GATA6: variants seen among roughly 807,000 people sequenced by gnomAD.
The protein encoded by GATA6 is transcription factor GATA-6.
Under a neutral mutation model 48.1 loss-of-function variants are expected in GATA6, and 11 were observed. That is an observed-to-expected ratio of 0.23 (90% confidence interval 0.14 to 0.38). The LOEUF is 0.38. Ranked by LOEUF, GATA6 falls within the 10% of genes least tolerant of loss-of-function variation. GATA6 has a pLI of 1.00. For synonymous variants in GATA6, 419 were observed against 396.1 expected (o/e 1.06, Z -0.69); for missense variants, 795 against 850.3 (o/e 0.93, Z 0.81).
chr18:22,170,567 C>A lies in GATA6; in HGVS notation c.-37-541C>A, dbSNP rs997190873. 1.3e-5 allele frequency among the ~76,000 whole-genome samples: 2 copies of A among 152,350 alleles called. No homozygotes were observed. Among genetic ancestry groups the A allele is most frequent in the South Asian group, 2.1e-4 (1 of 4,832 alleles). On this transcript the variant is annotated intron_variant, in intron 1 of 6. Coordinates refer to ENST00000269216, the MANE Select transcript of GATA6 (RefSeq NM_005257.6). This position sits in a 1 kb window ranked among gnomAD's most constrained non-coding sequence, Gnocchi z 6.7. ...GGAGAGCCAATATAGGAGAACGCGG[C>A]GGTTTCGTTTTCGGGGACAGGTTGC...
At chr18:22,191,928 G>A (rs1476949557) in intron 6 of GATA6, among the ~76,000 whole-genome samples, 1 of 152,230 alleles carries the variant, frequency 6.6e-6, no homozygotes, top group Non-Finnish European at 1.5e-5. Flanking sequence ...CCGACTTGAT[G>A]GTGTGCTGCC....
rs1555629215 is a variant in GATA6 at position 22,177,957 on chromosome 18, T to TTG, written c.1302+837_1302+838insGT. On this transcript the variant is annotated intron_variant, in intron 3 of 6. Coordinates refer to ENST00000269216, the MANE Select transcript of GATA6 (RefSeq NM_005257.6). ...ACACGTTTTACTGTTTTTTTGTTTT[T>TTG]TTTTTTTTTTTTTTTTTTTTTGAGA... Among the ~76,000 whole-genome samples the TTG allele has an allele frequency of 8.3e-5, 11 of 132,046 alleles. No individual in the cohort carries two copies. The East Asian group carries it at 2.4e-3, about 29-fold the overall frequency. 86.6% of individuals were successfully genotyped at this position (132,046 alleles called of 152,430 possible).
intron 6 of GATA6, among the ~76,000 whole-genome samples, chr18:22,184,661 AT>A (rs926655003): frequency 6.6e-6 from 1 of 150,568 alleles, no homozygotes; most frequent in Non-Finnish European, 1.5e-5. Context: ...CACCTGGCTA[AT>A]TTTTTTTTGT....
rs2033260272 is a variant in GATA6, at chr18:22,186,207, A to G, written c.1620+3164A>G. ...TCCCTGTGACTGACTGGTAGAAATT[A>G]GTAGTGCAGGGTGACCCTCGTTTGA... On this transcript the variant is annotated intron_variant, in intron 6 of 6. Coordinates refer to ENST00000269216, the MANE Select transcript of GATA6 (RefSeq NM_005257.6). Among the ~76,000 whole-genome samples, 2 of 152,152 alleles carry G rather than the reference A, an allele frequency of 1.3e-5. 1 individual carries two copies. Among genetic ancestry groups the G allele is most frequent in the South Asian group, 4.1e-4 (2 of 4,822 alleles).
chr18:22,195,204 G>A (rs981495187), intron 6 of GATA6, among the ~76,000 whole-genome samples: 2 of 152,186 alleles, frequency 1.3e-5, no homozygotes, highest in Middle Eastern at 3.2e-3. Context: ...TGGAGCTGAC[G>A]TGTTGATTGT....
At chr18:22,174,454 T>C (rs1159822950) in intron 2 of GATA6, among the ~76,000 whole-genome samples, 3 of 152,212 alleles carry the variant, frequency 2.0e-5, no homozygotes, top group Non-Finnish European at 4.4e-5. Flanking sequence ...ACACTTTTCC[T>C]AATTTTTTCA....
chr18:22,179,653 T>C (rs191214921), intron 3 of GATA6, among the ~76,000 whole-genome samples: 44 of 151,982 alleles, frequency 2.9e-4, no homozygotes, highest in African/African-American at 1.0e-3. Context: ...AATCCTTTCC[T>C]AAAAAATTAT....
chr18:22,196,982 TTAACAA>T (rs2033398053), intron 6 of GATA6, among the ~76,000 whole-genome samples: 1 of 152,096 alleles, frequency 6.6e-6, no homozygotes, highest in Non-Finnish European at 1.5e-5. Flanking sequence ...CCTCTTAACC[TTAACAA>T]TAATAATTAG....
intron 4 of GATA6, among the ~76,000 whole-genome samples, 200 bp downstream of exon 4, chr18:22,181,778 A>C (rs2033199183): frequency 6.6e-6 from 1 of 152,224 alleles, no homozygotes; most frequent in South Asian, 2.1e-4. Flanking sequence ...TTATAATATG[A>C]AATATTACCT....
At chr18:22,180,391 C>CTT (rs2033177630) in intron 3 of GATA6, among the ~76,000 whole-genome samples, 1 of 152,128 alleles carries the variant, frequency 6.6e-6, no homozygotes, top group African/African-American at 2.4e-5. Context: ...AATAAATTCC[C>CTT]TTTAAGGCTG....
At chr18:22,195,811 C>T (rs2033382393) in intron 6 of GATA6, among the ~76,000 whole-genome samples, 2 of 152,128 alleles carry the variant, frequency 1.3e-5, no homozygotes, top group Admixed American at 6.5e-5. Context: ...GTTCATTGAG[C>T]GGATGTGCCC....
chr18:22,183,416 G>A (rs960843165), intron 6 of GATA6, among the ~76,000 whole-genome samples: 2 of 152,140 alleles, frequency 1.3e-5, no homozygotes, highest in Non-Finnish European at 2.9e-5. Context: ...TGAGGCCAGT[G>A]GTTTCATAGA....
chr18:22,177,101 A>C lies in GATA6; in HGVS notation c.1282A>C (p.Ile428Leu), dbSNP rs1311681391. 2 of 1,552,416 alleles carry C rather than the reference A, an allele frequency of 1.3e-6. No individual in the cohort carries two copies. Among genetic ancestry groups the C allele is most frequent in the South Asian group, 2.4e-5 (2 of 84,140 alleles). The change falls in exon 3 of 7, where the codon ATC becomes CTC. Residue 428 changes from isoleucine (I) to leucine (L), a missense_variant. Coordinates refer to ENST00000269216, the MANE Select transcript of GATA6 (RefSeq NM_005257.6). ...SKMNGLSRPL[I>L]KPQKRVPSSR... ...GATGAACGGCCTCAGCCGGCCCCTC[A>C]TCAAGCCGCAGAAGCGCGTGGTGAG...
chr18:22,194,974 T>C (rs1043285293), intron 6 of GATA6, among the ~76,000 whole-genome samples: 5 of 152,142 alleles, frequency 3.3e-5, no homozygotes, highest in Admixed American at 6.5e-5. Context: ...GAGATCAGCC[T>C]GGCCAATATG....
At chr18:22,198,260 G>A (rs939909550) in intron 6 of GATA6, among the ~76,000 whole-genome samples, 10 of 152,046 alleles carry the variant, frequency 6.6e-5, no homozygotes, top group South Asian at 4.2e-4. Flanking sequence ...TTGTAGAGAC[G>A]GGGTCTCCCA....
In GATA6 at chr18:22,170,724, G is replaced by A. The variant is rs532609084; in HGVS notation, c.-37-384G>A. ...ACTTAAATTCTTTTGTGTGTCATCAGCCCGGGGGAGACACTTTAGGGCGGA... is the reference window on the plus strand; with the variant it reads ...ACTTAAATTCTTTTGTGTGTCATCAACCCGGGGGAGACACTTTAGGGCGGA... On this transcript the variant is annotated intron_variant, in intron 1 of 6. Transcript: ENST00000269216. The surrounding 1 kb of genome is among the most constrained non-coding windows in gnomAD (Gnocchi z 6.7). Among the ~76,000 whole-genome samples the A allele has an allele frequency of 5.6e-4, 86 of 152,244 alleles. No individual in the cohort carries two copies. Among genetic ancestry groups the A allele is most frequent in the African/African-American group, 1.9e-3 (80 of 41,560 alleles).
In GATA6 at chr18:22,201,649, CA is replaced by C. The variant is rs1225222653; in HGVS notation, c.*828del. The stretch of plus-strand genomic sequence containing the variant: ...ACAACTACATCCCATTTTATATTTC[CA>C]ATTGTTAAAGAAAAATATTTCAAGA... On this transcript the variant is annotated 3_prime_UTR_variant, in exon 7 of 7. Transcript: ENST00000269216. 2.0e-5 allele frequency: 3 copies of C among 152,518 alleles called. No individual in the cohort carries two copies. Among genetic ancestry groups the C allele is most frequent in the Non-Finnish European group, 1.5e-5 (1 of 68,024 alleles). 9.4% of individuals were successfully genotyped at this position (152,518 alleles called of 1,614,324 possible).
At chr18:22,184,288 G>A (rs1429358123) in intron 6 of GATA6, among the ~76,000 whole-genome samples, 1 of 151,024 alleles carries the variant, frequency 6.6e-6, no homozygotes, top group Admixed American at 6.6e-5. Context: ...TTTCTGTAAG[G>A]AAACAAAACG....
rs984446245 is a variant in GATA6 at position 22,201,826 on chromosome 18, T to C, written c.*1003T>C. 13 of 152,756 alleles carry C rather than the reference T, an allele frequency of 8.5e-5. No individual in the cohort carries two copies. The highest frequency in any genetic ancestry group is 6.5e-4 in the Admixed American group (10 of 15,298). 9.5% of individuals were successfully genotyped at this position (152,756 alleles called of 1,614,324 possible). ...CCTAACGGATAGCATTTGTAAATAC[T>C]CTAGGTATCTGTAAACACTCTGATG... On this transcript the variant is annotated 3_prime_UTR_variant, in exon 7 of 7. Transcript: ENST00000269216.
Sources: allele counts gnomAD v4.1 joint callset (sites outside exome capture counted in the v4.1 genomes callset), GRCh38; gene constraint gnomAD v4.1.1; non-coding constraint Gnocchi (gnomAD v3.1); transcripts MANE v1.5; gene names NCBI Gene and HGNC (gene_info 2026-07-23, HGNC 2026-07-21).